ZNF365: variants seen among roughly 807,000 people sequenced by gnomAD.
ZNF365 encodes protein ZNF365.
ZNF365 carries 22 observed loss-of-function variants against 35.0 expected under a neutral mutation model. The observed-to-expected ratio is 0.63, with a 90% CI of 0.45 to 0.90. ZNF365 has a LOEUF of 0.90. Among genes scored for constraint, ZNF365 ranks in the 40% least tolerant of loss-of-function variants. The pLI, the probability that ZNF365 is intolerant of heterozygous loss-of-function variation, is 0.00. For synonymous variants in ZNF365, 188 were observed against 196.2 expected, an observed-to-expected ratio of 0.96 and a Z score of 0.35; for missense variants, 448 against 500.3, an observed-to-expected ratio of 0.90 and a Z score of 1.00.
At chr10:62,395,722 G>A (rs1839714804) in intron 3 of ZNF365, among the ~76,000 whole-genome samples, 1 of 151,950 alleles carries the variant, frequency 6.6e-6, no homozygotes, top group Admixed American at 6.6e-5. Context: ...ATGCTCAAAG[G>A]AAATGCTCGT....
At chr10:62,421,173 C>T (rs780361010) in intron 3 of ZNF365, among the ~76,000 whole-genome samples, 1 of 152,100 alleles carries the variant, frequency 6.6e-6, no homozygotes, top group African/African-American at 2.4e-5. Flanking sequence ...AAGTCATCAA[C>T]AATCTTATTG....
At chr10:62,466,841 G>T (rs1840951756) in intron 4 of ZNF365, among the ~76,000 whole-genome samples, 1 of 151,976 alleles carries the variant, frequency 6.6e-6, no homozygotes, top group Non-Finnish European at 1.5e-5. Context: ...TCACTCTGTT[G>T]CCCAGGCTGG....
chr10:62,417,741 A>G (rs903530598), intron 3 of ZNF365, among the ~76,000 whole-genome samples: 2 of 151,978 alleles, frequency 1.3e-5, no homozygotes, highest in African/African-American at 4.8e-5. Context: ...AGAGAGTAGC[A>G]TGGAATACAG....
chr10:62,455,646 T>C (rs1317297096), intron 3 of ZNF365, among the ~76,000 whole-genome samples: 1 of 152,106 alleles, frequency 6.6e-6, no homozygotes, highest in East Asian at 1.9e-4. Context: ...TATGTGCATA[T>C]GGTAAAATAA....
chr10:62,403,397 G>A (rs1215714699), downstream of ZNF365, among the ~76,000 whole-genome samples: 3 of 152,262 alleles, frequency 2.0e-5, no homozygotes, highest in South Asian at 4.1e-4. Context: ...GGTGGCTCAC[G>A]CCTGTAATCC....
At chr10:62,406,646 TAG>T (rs1839909462), downstream of ZNF365, among the ~76,000 whole-genome samples, 1 of 152,042 alleles carries the variant, frequency 6.6e-6, no homozygotes, top group Admixed American at 6.6e-5. Context: ...AAAGAGGAAG[TAG>T]TGTTTGCAGA....
At chr10:62,377,125 A>G (rs1287322965) in intron 2 of ZNF365, among the ~76,000 whole-genome samples, 189 bp downstream of exon 2, 2 of 152,226 alleles carry the variant, frequency 1.3e-5, no homozygotes, top group African/African-American at 2.4e-5. Context: ...ACGGTCTGCA[A>G]CCTAGCAGCA....
intron 3 of ZNF365, among the ~76,000 whole-genome samples, chr10:62,430,913 C>T (rs187186524): frequency 1.4e-3 from 214 of 152,282 alleles, no homozygotes; most frequent in Non-Finnish European, 2.1e-3. Context: ...GGCCATCACA[C>T]CGATCTTCAA....
At chr10:62,461,419 G>C (rs1840845189) in intron 4 of ZNF365, among the ~76,000 whole-genome samples, 1 of 152,198 alleles carries the variant, frequency 6.6e-6, no homozygotes, top group African/African-American at 2.4e-5. Context: ...GTCTGAACAG[G>C]GAAAGGCCTC....
intron 2 of ZNF365, among the ~76,000 whole-genome samples, chr10:62,380,989 T>TG (rs1250567148): frequency 2.0e-5 from 3 of 152,022 alleles, no homozygotes; most frequent in East Asian, 3.9e-4. Context: ...GTGAGGTGTG[T>TG]GGGGGGGAAC....
chr10:62,391,120 A>G (rs1839620647), intron 3 of ZNF365, among the ~76,000 whole-genome samples: 1 of 152,238 alleles, frequency 6.6e-6, no homozygotes, highest in South Asian at 2.1e-4. Context: ...TTTTTACCTT[A>G]TAGACTTTTA....
intron 3 of ZNF365, among the ~76,000 whole-genome samples, chr10:62,389,487 A>G (rs1839588965): frequency 6.6e-6 from 1 of 152,082 alleles, no homozygotes; most frequent in African/African-American, 2.4e-5. Flanking sequence ...GCTCTATTAT[A>G]AGGAAAAGAA....
In ZNF365 at chr10:62,474,494, TGA is replaced by T. The variant is rs139347383; in HGVS notation, c.982-5367_982-5366del. ...TTTCGTGTGTGTGTGTTTGAAAGAA[TGA>T]GAGAGAGAGAGAGACTATTTCTGTG... On this transcript the variant is annotated intron_variant, in intron 4 of 4. Transcript: ENST00000395255. 8.4e-3 allele frequency among the ~76,000 whole-genome samples: 1,276 copies of T among 151,554 alleles called. 6 individuals are homozygous for T. The highest frequency in any genetic ancestry group is 0.018 in the Admixed American group (269 of 15,196).
chr10:62,399,385 A>G (rs575643248), intron 4 of ZNF365, 143 bp from the exon 5 acceptor site: 2 of 1,248,196 alleles, frequency 1.6e-6, no homozygotes, highest in Non-Finnish European at 1.1e-6. Flanking sequence ...AAATACTCAT[A>G]TTATGATTTG....
chr10:62,374,830 T>G (rs751853388), intron 1 of ZNF365, among the ~76,000 whole-genome samples: 9 of 152,172 alleles, frequency 5.9e-5, no homozygotes, highest in Non-Finnish European at 1.3e-4. Context: ...GCCACCCTTT[T>G]CCCATTGCCC....
At chr10:62,479,833 C>G (rs1483303670) in intron 4 of ZNF365, 2 of 1,371,972 alleles carry the variant, frequency 1.5e-6, no homozygotes, top group South Asian at 2.3e-5. Flanking sequence ...CACCTAGATA[C>G]CACTGCAACT....
At position 62,449,953 on chromosome 10, in the gene ZNF365, G is replaced by A. The variant is rs539094851; in HGVS notation, c.925-9788G>A. ...GGGTAATTTATGTTAAAGATTTCCA[G>A]TTCAGATAATTCAAATGTAAGCACA... On this transcript the variant is annotated intron_variant, in intron 3 of 4. Coordinates refer to the ZNF365 transcript ENST00000395255. 1.7e-3 allele frequency among the ~76,000 whole-genome samples: 261 copies of A among 152,068 alleles called. 1 individual carries two copies. Among genetic ancestry groups the A allele is most frequent in the Non-Finnish European group, 3.0e-3 (207 of 68,018 alleles).
At chr10:62,410,368 T>A (rs888057546) in intron 3 of ZNF365, among the ~76,000 whole-genome samples, 1 of 152,148 alleles carries the variant, frequency 6.6e-6, no homozygotes, top group Non-Finnish European at 1.5e-5. Context: ...TCTCTCTCTC[T>A]CTCTTTTTTT....
intron 3 of ZNF365, among the ~76,000 whole-genome samples, chr10:62,433,239 C>T (rs994271709): frequency 1.3e-5 from 2 of 152,142 alleles, no homozygotes; most frequent in Admixed American, 1.3e-4. Flanking sequence ...GTTTTGGAGG[C>T]CCCTGAAATT....
Sources: gnomAD v4.1 joint callset for allele counts (sites outside exome capture counted in the v4.1 genomes callset) on GRCh38, gnomAD v4.1.1 for gene constraint, MANE v1.5 for transcripts, NCBI Gene and HGNC (gene_info 2026-07-23, HGNC 2026-07-21) for gene names.